The following NAP1L4 variants were observed in gnomAD, a reference collection of about 807,000 sequenced individuals.
NAP1L4 encodes the protein nucleosome assembly protein 1 like 4.
A neutral mutation model predicts 58.2 loss-of-function variants in NAP1L4; 15 were observed. The ratio of observed to expected loss-of-function variants is 0.26; its 90% CI spans 0.17 to 0.40. NAP1L4 has a LOEUF of 0.40. Ranked by LOEUF, NAP1L4 falls within the 10% of genes least tolerant of loss-of-function variation. The pLI is 1.00. For synonymous variants in NAP1L4, 171 were observed against 155.6 expected (o/e 1.10, Z -0.74); for missense variants, 384 against 451.1 (o/e 0.85, Z 1.35).
At position 2,962,158 on chromosome 11, in the gene NAP1L4, C is replaced by T. The variant is rs902214192; in HGVS notation, c.607-2249G>A. Among the ~76,000 whole-genome samples, 4 of 152,212 alleles carry T rather than the reference C, an allele frequency of 2.6e-5. No homozygotes were observed. The South Asian group carries it at 6.2e-4, about 24-fold the overall frequency. ...CTTCATCTTCTTTGACTGGTAAGTA[C>T]ACTGAAAGGAACCTAAACTAAGGAA... On this transcript the variant is annotated intron_variant, in intron 8 of 15. Transcript: ENST00000380542.
At position 2,965,242 on chromosome 11, in the gene NAP1L4, G is replaced by A. The variant is rs537786963; in HGVS notation, c.535-491C>T. Among the ~76,000 whole-genome samples the A allele has an allele frequency of 6.6e-5, 10 of 152,348 alleles. 1 individual carries two copies. The highest frequency in any genetic ancestry group is 1.9e-4 in the African/African-American group (8 of 41,580). On this transcript the variant is annotated intron_variant, in intron 7 of 15. Transcript: ENST00000380542. Reference sequence around the variant, plus strand: ...AAGTTGTGCATGGCTTAACAATGGGGGCACCTCCTGAGAAACACATTGTTA... The same window carrying A: ...AAGTTGTGCATGGCTTAACAATGGGAGCACCTCCTGAGAAACACATTGTTA...
At chr11:2,950,277 G>A (rs756127462) in intron 14 of NAP1L4, among the ~76,000 whole-genome samples, 33 of 151,938 alleles carry the variant, frequency 2.2e-4, no homozygotes, top group Non-Finnish European at 3.8e-4. Context: ...TCCCAGAGTA[G>A]TCTTTATAAG....
intron 3 of NAP1L4, 49 bp downstream of exon 3, chr11:2,978,235 G>A: frequency 3.8e-6 from 6 of 1,560,230 alleles, no homozygotes; most frequent in Non-Finnish European, 5.3e-6. Flanking sequence ...TCCAGAGAGA[G>A]GAACGTTCCC....
At chr11:2,970,852 C>A (rs1033586188) in intron 6 of NAP1L4, among the ~76,000 whole-genome samples, 4 of 52,128 alleles carry the variant, frequency 7.7e-5, no homozygotes, top group African/African-American at 4.1e-4. Flanking sequence ...TATACCACCC[C>A]CCCCCCAAAA....
At chr11:2,960,452 G>A (rs1185402882) in intron 8 of NAP1L4, among the ~76,000 whole-genome samples, 3 of 152,108 alleles carry the variant, frequency 2.0e-5, no homozygotes, top group Non-Finnish European at 2.9e-5. Context: ...TACAAAGCAC[G>A]CTACAGACCT....
rs188086549 is a variant in NAP1L4 at position 2,955,792 on chromosome 11, T to A, written c.893-26A>T. On this transcript the variant is annotated intron_variant, in intron 10 of 15. Transcript: ENST00000380542. This position sits in a 1 kb window ranked among gnomAD's most constrained non-coding sequence, Gnocchi z 4.2. ...CTAGAAAAAGAAAAGACAAAACATA[T>A]TTAAATTACAGTGACAACTCCCAGA... is the stretch of plus-strand genomic sequence containing the variant. The A allele has an allele frequency of 8.9e-5, 143 of 1,609,198 alleles. 2 individuals are homozygous for A. In the East Asian group the frequency reaches 2.9e-3, roughly 33 times the overall value.
rs969893640 is a variant in NAP1L4 at position 2,945,524 on chromosome 11, G to A, written c.*155C>T. On this transcript the variant is annotated 3_prime_UTR_variant, in exon 16 of 16. Coordinates refer to ENST00000380542, the MANE Select transcript of NAP1L4 (RefSeq NM_005969.4). ...TTAGATGGAGTAAGCTCTGTCCACG[G>A]GATTGTGCTGCGGCAAGGACCGAGG... 4 of 1,207,032 alleles carry A rather than the reference G, an allele frequency of 3.3e-6. No individual in the cohort carries two copies. The African/African-American group carries it at 6.1e-5, about 18-fold the overall frequency. The allele number at this position is 1,207,032 out of a possible 1,614,324, so 74.8% of individuals were successfully genotyped here.
chr11:2,979,359 T>C (rs1848165530), intron 1 of NAP1L4, 122 bp from the exon 2 acceptor site: 1 of 736,444 alleles, frequency 1.4e-6, no homozygotes, highest in East Asian at 2.7e-5. Flanking sequence ...GGGAACTTTC[T>C]AGAGTGATGA....
intron 1 of NAP1L4, among the ~76,000 whole-genome samples, chr11:2,987,700 T>C (rs552382317): frequency 7.3e-6 from 1 of 136,788 alleles, no homozygotes; most frequent in Admixed American, 8.6e-5. Flanking sequence ...GAGGCTGCAG[T>C]GAGCCGAGAT....
At position 2,978,643 on chromosome 11, in the gene NAP1L4, G is replaced by A. The variant is rs1420993736; in HGVS notation, c.15-301C>T. ...TACAGCTTCTTTCCTCAAAAAATCT[G>A]CTCCCAGCCCTCAAACCAAACCCAT... is the stretch of plus-strand genomic sequence containing the variant. On this transcript the variant is annotated intron_variant, in intron 2 of 15. Transcript: ENST00000380542. Among the ~76,000 whole-genome samples, 3 of 152,164 alleles carry A rather than the reference G, an allele frequency of 2.0e-5. No individual in the cohort carries two copies. The East Asian group carries it at 5.8e-4, about 29-fold the overall frequency.
chr11:2,959,638 T>A lies in NAP1L4; in HGVS notation c.746+132A>T. On this transcript the variant is annotated intron_variant, in intron 9 of 15. Coordinates refer to ENST00000380542, the MANE Select transcript of NAP1L4 (RefSeq NM_005969.4). The surrounding 1 kb of genome is among the most constrained non-coding windows in gnomAD (Gnocchi z 4.9). ...AACTGAAAGACTATTGAAATATACATCTACCAGGCTTTTAGGCTTTTAAGC... is the reference window on the plus strand; with the variant it reads ...AACTGAAAGACTATTGAAATATACAACTACCAGGCTTTTAGGCTTTTAAGC... 2 of 1,048,670 alleles carry A rather than the reference T, an allele frequency of 1.9e-6. No individual in the cohort carries two copies. Among genetic ancestry groups the A allele is most frequent in the Admixed American group, 2.8e-5 (1 of 36,286 alleles). 65.0% of individuals were successfully genotyped at this position (1,048,670 alleles called of 1,614,324 possible).
At chr11:2,978,214 T>C (rs372749578) in intron 3 of NAP1L4, 70 bp downstream of exon 3, 53 of 1,447,370 alleles carry the variant, frequency 3.7e-5, no homozygotes, top group Non-Finnish European at 4.7e-5. Flanking sequence ...TTACTTGCAT[T>C]AATAAATGTT....
rs939293726 is a variant in NAP1L4, at chr11:2,948,619, G to C, written c.*32+608C>G. Among the ~76,000 whole-genome samples the C allele has an allele frequency of 6.6e-6, 1 of 152,160 alleles. No homozygotes were observed. Among genetic ancestry groups the C allele is most frequent in the Admixed American group, 6.5e-5 (1 of 15,268 alleles). On this transcript the variant is annotated intron_variant, in intron 15 of 15. Coordinates refer to ENST00000380542, the MANE Select transcript of NAP1L4 (RefSeq NM_005969.4). The surrounding 1 kb of genome is among the most constrained non-coding windows in gnomAD (Gnocchi z 5.1). ...TGACACTCACTTTCATCTACAACTG[G>C]TTCTTGCTTCATTCAACTAGCACCA...
rs538226044 is a variant in NAP1L4 at position 2,954,683 on chromosome 11, T to C, written c.916-37A>G. On this transcript the variant is annotated intron_variant, in intron 11 of 15. Transcript: ENST00000380542. This position sits in a 1 kb window ranked among gnomAD's most constrained non-coding sequence, Gnocchi z 4.8. ...AAACCTACGTGTTAACTCATTTTAA[T>C]GGGATAAAAACATTCACTTCACCAC... 405 of 1,613,948 alleles carry C rather than the reference T, an allele frequency of 2.5e-4. 6 individuals are homozygous for C. In the South Asian group the frequency reaches 4.3e-3, roughly 17 times the overall value.
chr11:2,953,150 TCTAA>T (rs1348614876), intron 12 of NAP1L4, among the ~76,000 whole-genome samples: 16 of 152,212 alleles, frequency 1.1e-4, no homozygotes, highest in East Asian at 1.9e-4. Context: ...ACTTCTAGCC[TCTAA>T]CTGACACTGC....
At position 2,945,525 on chromosome 11, in the gene NAP1L4, GA is replaced by G. The variant is rs1590210897; in HGVS notation, c.*153del. 27 of 1,215,604 alleles carry G rather than the reference GA, an allele frequency of 2.2e-5. No individual in the cohort carries two copies. The South Asian group carries it at 3.2e-4, about 14-fold the overall frequency. The allele number at this position is 1,215,604 out of a possible 1,614,324, so 75.3% of individuals were successfully genotyped here. The stretch of plus-strand genomic sequence containing the variant: ...TAGATGGAGTAAGCTCTGTCCACGG[GA>G]TTGTGCTGCGGCAAGGACCGAGGCC... On this transcript the variant is annotated 3_prime_UTR_variant, in exon 16 of 16. Transcript: ENST00000380542.
chr11:2,975,436 G>T (rs1209397761), intron 4 of NAP1L4, among the ~76,000 whole-genome samples: 10 of 152,090 alleles, frequency 6.6e-5, no homozygotes, highest in Admixed American at 6.5e-4. Context: ...CCTCTCTTAA[G>T]AAAGCAAAGG....
intron 6 of NAP1L4, among the ~76,000 whole-genome samples, chr11:2,970,376 A>G (rs989178744): frequency 3.9e-5 from 6 of 152,154 alleles, no homozygotes; most frequent in African/African-American, 1.4e-4. Context: ...GTTCACTTGG[A>G]CTAATAATCT....
chr11:2,966,426 C>T (rs200312576), intron 7 of NAP1L4, among the ~76,000 whole-genome samples: 6 of 28,920 alleles, frequency 2.1e-4, no homozygotes, highest in Non-Finnish European at 3.1e-4. Context: ...CAGACCTCTC[C>T]CTATTTATCC....
Sources: gnomAD v4.1 joint callset for allele counts (sites outside exome capture counted in the v4.1 genomes callset) on GRCh38, gnomAD v4.1.1 for gene constraint, Gnocchi (gnomAD v3.1) non-coding constraint, MANE v1.5 for transcripts, NCBI Gene and HGNC (gene_info 2026-07-23, HGNC 2026-07-21) for gene names.